MEAF6: variants seen among roughly 807,000 people sequenced by gnomAD.
MEAF6 encodes the protein chromatin modification-related protein MEAF6.
In MEAF6, 15 loss-of-function variants were observed where a neutral mutation model predicts 28.9. The observed-to-expected ratio is 0.52, with a 90% CI of 0.35 to 0.80. The LOEUF is 0.80. MEAF6 is among the 30% of genes least tolerant of loss of function. MEAF6 has a pLI of 0.01. For missense variants in MEAF6, 178 were observed against 237.5 expected (o/e 0.75, Z 1.65); for synonymous variants, 97 against 88.7 (o/e 1.09, Z -0.53).
chr1:37,514,657 C>G lies in MEAF6; in HGVS notation c.90G>C (p.Ala30=). 3 of 1,536,302 alleles carry G rather than the reference C, an allele frequency of 2.0e-6. No individual in the cohort carries two copies. The highest frequency in any genetic ancestry group is 2.6e-6 in the Non-Finnish European group (3 of 1,146,460). Residue 30 remains alanine, a splice_region_variant and synonymous_variant, in exon 1 of 7, where the codon GCG becomes GCC. Coordinates refer to ENST00000296214, the MANE Select transcript of MEAF6 (RefSeq NM_001270875.3). ...AELVKRKQEL[A]ETLANLERQI... ...TGCAACCCCTGTCCTAGCCCCTCACCGCCAGCTCCTGCTTCCGCTTCACGA... is the reference window on the plus strand; with the variant it reads ...TGCAACCCCTGTCCTAGCCCCTCACGGCCAGCTCCTGCTTCCGCTTCACGA...
chr1:37,506,886 C>T (rs932598782), intron 4 of MEAF6, among the ~76,000 whole-genome samples: 4 of 152,182 alleles, frequency 2.6e-5, no homozygotes, highest in Non-Finnish European at 5.9e-5. Flanking sequence ...AAGTGTTTGT[C>T]TTAGCCAAGC....
chr1:37,501,902 T>C lies in MEAF6; in HGVS notation c.435A>G (p.Gly145=). Residue 145 remains glycine (G), a synonymous_variant, in exon 5 of 7, where the codon GGA becomes GGG. Coordinates refer to ENST00000296214, the MANE Select transcript of MEAF6 (RefSeq NM_001270875.3). ...PSQEDPEDLD[G]SVQGVKPQKA... ...TCTGAGGTTTCACTCCCTGCACAGA[T>C]CCATCCAGATCCTCAGGGTCCTCCT... is the stretch of plus-strand genomic sequence containing the variant. 1 of 1,612,154 alleles carries C rather than the reference T, an allele frequency of 6.2e-7. No individual in the cohort carries two copies. Among genetic ancestry groups the C allele is most frequent in the Non-Finnish European group, 8.5e-7 (1 of 1,178,450 alleles).
chr1:37,503,958 C>CA (rs539856436), intron 4 of MEAF6, among the ~76,000 whole-genome samples: 8 of 151,884 alleles, frequency 5.3e-5, no homozygotes, highest in African/African-American at 1.9e-4. Context: ...GACTCCATCT[C>CA]AAAAAAAAGA....
chr1:37,513,336 C>T, intron 2 of MEAF6, 87 bp downstream of exon 2: 2 of 942,788 alleles, frequency 2.1e-6, no homozygotes, highest in Admixed American at 3.7e-5. Context: ...ACTACTGCCT[C>T]CAGCAAAGTT....
chr1:37,495,289 C>T (rs1642080455), intron 6 of MEAF6, among the ~76,000 whole-genome samples: 1 of 151,524 alleles, frequency 6.6e-6, no homozygotes, highest in Non-Finnish European at 1.5e-5. Context: ...CAAGATTGCA[C>T]CACTGCACTC....
chr1:37,514,513 G>A (rs1041152630), intron 1 of MEAF6, 144 bp downstream of exon 1: 4 of 464,914 alleles, frequency 8.6e-6, no homozygotes, highest in Admixed American at 9.5e-5. Context: ...CGCAGAATGC[G>A]CACCCGGCCT....
At chr1:37,498,394 G>T (rs1368438686) in intron 5 of MEAF6, among the ~76,000 whole-genome samples, 1 of 147,934 alleles carries the variant, frequency 6.8e-6, no homozygotes, top group African/African-American at 2.5e-5. Context: ...ACTTATAAGA[G>T]TAGCTATGTT....
rs1171413948 is a variant in MEAF6, at chr1:37,493,862, T to C, written c.*237A>G. On this transcript the variant is annotated 3_prime_UTR_variant, in exon 7 of 7. Coordinates refer to ENST00000296214, the MANE Select transcript of MEAF6 (RefSeq NM_001270875.3). Reference sequence around the variant, plus strand: ...TTAGCAACTTGCTGGGATTACAACATTGTCTTCATCTTCCTGCAGTTCTGT... The same window carrying C: ...TTAGCAACTTGCTGGGATTACAACACTGTCTTCATCTTCCTGCAGTTCTGT... The C allele has an allele frequency of 5.1e-6, 8 of 1,554,538 alleles. No individual in the cohort carries two copies. Among genetic ancestry groups the C allele is most frequent in the African/African-American group, 1.4e-5 (1 of 72,996 alleles).
At chr1:37,494,421 G>T (rs1293781215) in intron 6 of MEAF6, among the ~76,000 whole-genome samples, 1 of 151,534 alleles carries the variant, frequency 6.6e-6, no homozygotes, top group East Asian at 1.9e-4. Flanking sequence ...AGGCTGAGGT[G>T]GGAGAATCGC....
chr1:37,500,170 C>T (rs1389928601), intron 5 of MEAF6, among the ~76,000 whole-genome samples: 1 of 152,136 alleles, frequency 6.6e-6, no homozygotes, highest in African/African-American at 2.4e-5. Context: ...GTGGTGCACG[C>T]CTGTAATCCC....
At chr1:37,507,850 A>G (rs890411385) in intron 4 of MEAF6, among the ~76,000 whole-genome samples, 1 of 152,010 alleles carries the variant, frequency 6.6e-6, no homozygotes, top group African/African-American at 2.4e-5. Flanking sequence ...GACGAAATGC[A>G]GAAGTAAAGC....
intron 6 of MEAF6, among the ~76,000 whole-genome samples, chr1:37,494,734 G>A (rs1415346802): frequency 6.6e-6 from 1 of 151,806 alleles, no homozygotes; most frequent in Non-Finnish European, 1.5e-5. Flanking sequence ...AGGAGTCTGA[G>A]GTGGGAGGAC....
At chr1:37,513,704 G>C in intron 1 of MEAF6, 166 bp from the exon 2 acceptor site, 1 of 637,688 alleles carries the variant, frequency 1.6e-6, no homozygotes, top group South Asian at 1.8e-5. Flanking sequence ...TTAGGACTAA[G>C]ACAGTCTAGA....
intron 2 of MEAF6, among the ~76,000 whole-genome samples, chr1:37,511,141 T>G (rs1422306891): frequency 6.6e-6 from 1 of 151,916 alleles, no homozygotes; most frequent in Non-Finnish European, 1.5e-5. Flanking sequence ...CTTAGAGGAA[T>G]GGCTGATACC....
At chr1:37,510,113 T>C (rs1642619222) in intron 2 of MEAF6, among the ~76,000 whole-genome samples, 1 of 142,348 alleles carries the variant, frequency 7.0e-6, no homozygotes, top group African/African-American at 2.7e-5. Flanking sequence ...AGTCTCGCCC[T>C]GTCACCCAGG....
intron 2 of MEAF6, 34 bp downstream of exon 2, chr1:37,513,389 C>T: frequency 6.5e-7 from 1 of 1,542,314 alleles, no homozygotes; most frequent in Non-Finnish European, 9.0e-7. Flanking sequence ...GTTACTAGGG[C>T]ACAATAGGAA....
At position 37,510,527 on chromosome 1, in the gene MEAF6, G is replaced by A. The variant is rs534791173; in HGVS notation, c.207-985C>T. 9.8e-4 allele frequency among the ~76,000 whole-genome samples: 146 copies of A among 148,418 alleles called. 3 individuals carry two copies. In the South Asian group the frequency reaches 0.029, roughly 29 times the overall value. ...CTCTGAAGTAGCTGGGACTACAGGC[G>A]CACCCCACCATGCCCGGCTAATTTT... is the stretch of plus-strand genomic sequence containing the variant. On this transcript the variant is annotated intron_variant, in intron 2 of 6. Coordinates refer to ENST00000296214, the MANE Select transcript of MEAF6 (RefSeq NM_001270875.3).
intron 4 of MEAF6, among the ~76,000 whole-genome samples, chr1:37,506,311 T>C (rs1642480712): frequency 6.6e-6 from 1 of 151,680 alleles, no homozygotes; most frequent in Admixed American, 6.6e-5. Flanking sequence ...TAGGCAATGG[T>C]TTCTCAGATA....
chr1:37,493,131 TAA>T lies in MEAF6; in HGVS notation c.*966_*967del, dbSNP rs1267147669. The T allele has an allele frequency of 6.6e-6, 1 of 152,222 alleles. No individual in the cohort carries two copies. Among genetic ancestry groups the T allele is most frequent in the African/African-American group, 2.4e-5 (1 of 41,446 alleles). The allele number at this position is 152,222 out of a possible 1,614,324, so 9.4% of individuals were successfully genotyped here. On this transcript the variant is annotated 3_prime_UTR_variant, in exon 7 of 7. Coordinates refer to ENST00000296214, the MANE Select transcript of MEAF6 (RefSeq NM_001270875.3). The stretch of plus-strand genomic sequence containing the variant: ...CCTTTCACTCCACTTAAGAACGACA[TAA>T]GTTATCACTTTTGGTATAATTTTGA...
Sources: allele counts gnomAD v4.1 joint callset (sites outside exome capture counted in the v4.1 genomes callset), GRCh38; gene constraint gnomAD v4.1.1; transcripts MANE v1.5; gene names NCBI Gene and HGNC (gene_info 2026-07-23, HGNC 2026-07-21).